Variants in ANKRD29 observed in about 807,000 individuals in gnomAD.
The protein encoded by ANKRD29 is ankyrin repeat domain 29.
ANKRD29 carries 32 observed loss-of-function variants against 38.0 expected under a neutral mutation model. The observed-to-expected ratio is 0.84, with a 90% CI of 0.64 to 1.13. The LOEUF (loss-of-function observed/expected upper bound fraction) is 1.13, where lower values mean the gene tolerates loss of function less well. Among genes scored for constraint, ANKRD29 ranks in the 50% most tolerant of loss-of-function variants. The pLI, the probability that ANKRD29 is intolerant of heterozygous loss-of-function variation, is 0.00. For synonymous variants in ANKRD29, 135 were observed against 152.4 expected (o/e 0.89, Z 0.84); for missense variants, 357 against 377.9 (o/e 0.94, Z 0.46).
intron 4 of ANKRD29, among the ~76,000 whole-genome samples, chr18:23,637,126 C>T (rs914440582): frequency 5.9e-5 from 9 of 152,136 alleles, no homozygotes; most frequent in East Asian, 3.9e-4. Flanking sequence ...AGTATTCACT[C>T]GTTAACCAAG....
intron 1 of ANKRD29, among the ~76,000 whole-genome samples, chr18:23,650,705 T>G (rs2060199848): frequency 6.6e-6 from 1 of 152,240 alleles, no homozygotes; most frequent in South Asian, 2.1e-4. Flanking sequence ...GAGATCACAG[T>G]ACCTGCCTTG....
chr18:23,651,344 A>C (rs1005584146), intron 1 of ANKRD29, among the ~76,000 whole-genome samples: 2 of 152,238 alleles, frequency 1.3e-5, no homozygotes, highest in African/African-American at 2.4e-5. Context: ...GGCAAACTGC[A>C]ACCATGGTTT....
At chr18:23,625,822 C>T (rs1264503158) in intron 6 of ANKRD29, among the ~76,000 whole-genome samples, 1 of 152,112 alleles carries the variant, frequency 6.6e-6, no homozygotes, top group East Asian at 1.9e-4. Context: ...AGCTGCTCTC[C>T]ACCCAAAAAA....
chr18:23,611,023 G>T (rs2059634532), intron 9 of ANKRD29, among the ~76,000 whole-genome samples: 1 of 152,224 alleles, frequency 6.6e-6, no homozygotes, highest in Non-Finnish European at 1.5e-5. Flanking sequence ...CTCCTCTGCT[G>T]CAATCTATAC....
chr18:23,637,003 T>C (rs1218189890), intron 4 of ANKRD29, among the ~76,000 whole-genome samples: 2 of 152,234 alleles, frequency 1.3e-5, no homozygotes, highest in African/African-American at 4.8e-5. Context: ...TGGAAAGCTC[T>C]TGGATACCTG....
At position 23,662,746 on chromosome 18, in the gene ANKRD29, AGCGGGAGCCGGC is replaced by A; in HGVS notation, c.-28_-17del. The A allele has an allele frequency of 6.8e-7, 1 of 1,461,586 alleles. No individual in the cohort carries two copies. Among genetic ancestry groups the A allele is most frequent in the Non-Finnish European group, 9.0e-7 (1 of 1,110,392 alleles). The allele number at this position is 1,461,586 out of a possible 1,614,324, so 90.5% of individuals were successfully genotyped here. On this transcript the variant is annotated 5_prime_UTR_variant, in exon 1 of 10. Transcript: ENST00000592179. ...TCCTGCACATGTCCGCGGCCGCCCGAGCGGGAGCCGGCGCGCTTTGGGCCCGGGGCGCCTTGT... is the reference window on the plus strand; with the variant it reads ...TCCTGCACATGTCCGCGGCCGCCCGAGCGCTTTGGGCCCGGGGCGCCTTGT...
intron 6 of ANKRD29, among the ~76,000 whole-genome samples, chr18:23,627,620 T>A (rs2059878524): frequency 6.6e-6 from 1 of 152,202 alleles, no homozygotes; most frequent in East Asian, 1.9e-4. Context: ...TCGACTTGGT[T>A]TTTTACAAGC....
chr18:23,650,017 C>T (rs1021326265), intron 1 of ANKRD29, among the ~76,000 whole-genome samples: 13 of 150,736 alleles, frequency 8.6e-5, no homozygotes, highest in South Asian at 6.3e-4. Flanking sequence ...TGTGAGCCAC[C>T]GTGCCCGGCC....
At chr18:23,612,296 C>G (rs1250569269) in intron 8 of ANKRD29, 106 bp from the exon 9 acceptor site, 1 of 965,560 alleles carries the variant, frequency 1.0e-6, no homozygotes, top group African/African-American at 1.6e-5. Flanking sequence ...ACCTCATACC[C>G]GTAACCTTCC....
intron 6 of ANKRD29, among the ~76,000 whole-genome samples, chr18:23,626,841 A>G (rs1044782040): frequency 6.6e-6 from 1 of 152,276 alleles, no homozygotes; most frequent in Non-Finnish European, 1.5e-5. Flanking sequence ...GTTACAGGAT[A>G]CCGTAATAAA....
chr18:23,655,772 A>C (rs1401844317), intron 1 of ANKRD29, among the ~76,000 whole-genome samples: 1 of 149,986 alleles, frequency 6.7e-6, no homozygotes, highest in South Asian at 2.1e-4. Context: ...ACTTTAAAAA[A>C]TAATTCTCTG....
rs201307423 is a variant in ANKRD29 at position 23,619,548 on chromosome 18, G to C, written c.610C>G (p.Arg204Gly). Residue 204 changes from arginine (R) to glycine (G), a missense_variant, in exon 7 of 10, where the codon CGC becomes GGC. Coordinates refer to ENST00000592179, the MANE Select transcript of ANKRD29 (RefSeq NM_173505.4). ...VRVMLLRGAD[R>G]DAARNDGTTA... Reference sequence around the variant, plus strand: ...GCACTCACGTTCCGCGCAGCGTCGCGGTCGGCTCCGCGCAGCAGCATCACC... The same window carrying C: ...GCACTCACGTTCCGCGCAGCGTCGCCGTCGGCTCCGCGCAGCAGCATCACC... 4 of 1,594,086 alleles carry C rather than the reference G, an allele frequency of 2.5e-6. No homozygotes were observed. Among genetic ancestry groups the C allele is most frequent in the Non-Finnish European group, 3.4e-6 (4 of 1,177,842 alleles).
intron 1 of ANKRD29, among the ~76,000 whole-genome samples, chr18:23,656,092 C>CA (rs1288367761): frequency 0.1 from 6,740 of 64,192 alleles, 569 homozygotes; most frequent in African/African-American, 0.26. Context: ...GACTCCGTCT[C>CA]AAAAAAAAAA....
In ANKRD29 at chr18:23,612,834, A is replaced by G. The variant is rs530807244; in HGVS notation, c.724-644T>C. Among the ~76,000 whole-genome samples, 17 of 152,322 alleles carry G rather than the reference A, an allele frequency of 1.1e-4. No individual in the cohort carries two copies. The East Asian group carries it at 3.3e-3, about 29-fold the overall frequency. On this transcript the variant is annotated intron_variant, in intron 8 of 9. Coordinates refer to ENST00000592179, the MANE Select transcript of ANKRD29 (RefSeq NM_173505.4). ...TTTATCAAAATAAGGAACCAGCTAA[A>G]TGCAGCATGTAGCTGGACCACGGAG...
chr18:23,634,013 A>G lies in ANKRD29; in HGVS notation c.429+38T>C. ...AATTTAGACTGCAATTTTGTATGTG[A>G]TGAGAAATGTCCTAATGTCCCCCTG... On this transcript the variant is annotated intron_variant, in intron 5 of 9. Transcript: ENST00000592179. 2.5e-6 allele frequency: 4 copies of G among 1,597,378 alleles called. No individual in the cohort carries two copies. The Admixed American group carries it at 5.0e-5, about 20-fold the overall frequency.
In ANKRD29 at chr18:23,612,237, G is replaced by A. The variant is rs1407751729; in HGVS notation, c.724-47C>T. On this transcript the variant is annotated intron_variant, in intron 8 of 9. Transcript: ENST00000592179. ...TGTCAGGAGTGAGCTCACAGCCATT[G>A]GCATTCAGCATGGCTTTCATCATAA... 4 of 1,525,098 alleles carry A rather than the reference G, an allele frequency of 2.6e-6. No homozygotes were observed. In the South Asian group the frequency reaches 4.6e-5, roughly 17 times the overall value. 94.5% of individuals were successfully genotyped at this position (1,525,098 alleles called of 1,614,324 possible).
intron 1 of ANKRD29, among the ~76,000 whole-genome samples, chr18:23,655,959 G>A (rs1279333625): frequency 6.6e-6 from 1 of 150,384 alleles, no homozygotes; most frequent in Admixed American, 6.6e-5. Context: ...CGGGCGTAGT[G>A]GTGGGCGCCT....
intron 4 of ANKRD29, among the ~76,000 whole-genome samples, chr18:23,638,309 T>G (rs968112247): frequency 1.3e-5 from 2 of 152,160 alleles, no homozygotes; most frequent in Non-Finnish European, 2.9e-5. Context: ...CAATTACTTC[T>G]TTAAAGGAAG....
At chr18:23,639,018 G>C in intron 3 of ANKRD29, 71 bp from the exon 4 acceptor site, 1 of 1,203,224 alleles carries the variant, frequency 8.3e-7, no homozygotes, top group South Asian at 1.5e-5. Flanking sequence ...CATCTGCAAA[G>C]AAAACAAAAC....
Sources: gnomAD v4.1 joint callset for allele counts (sites outside exome capture counted in the v4.1 genomes callset) on GRCh38, gnomAD v4.1.1 for gene constraint, MANE v1.5 for transcripts, NCBI Gene and HGNC (gene_info 2026-07-23, HGNC 2026-07-21) for gene names.